Variants in LILRA2 observed in about 807,000 individuals in gnomAD.
LILRA2 encodes leukocyte immunoglobulin-like receptor subfamily A member 2.
In LILRA2, 45 loss-of-function variants were observed where a neutral mutation model predicts 47.9. The observed-to-expected ratio is 0.94, with a 90% CI of 0.74 to 1.20. The LOEUF (loss-of-function observed/expected upper bound fraction) is 1.20, where lower values mean the gene tolerates loss of function less well. Ranked by LOEUF, LILRA2 falls within the 50% of genes most tolerant of loss-of-function variation. The probability of loss-of-function intolerance (pLI) is 0.00; values close to 1 mark genes in which losing one functional copy is unlikely to be tolerated. For missense variants in LILRA2, 651 were observed against 598.2 expected (o/e 1.09, Z -0.92); for synonymous variants, 279 against 249.2 (o/e 1.12, Z -1.13).
rs2062890383 is a variant in LILRA2, at chr19:54,589,499, T to C, written c.*2153T>C. 1 of 151,204 alleles carries C rather than the reference T, an allele frequency of 6.6e-6. No individual in the cohort carries two copies. 9.4% of individuals were successfully genotyped at this position (151,204 alleles called of 1,614,324 possible). On this transcript the variant is annotated 3_prime_UTR_variant, in exon 8 of 8. Transcript: ENST00000391738. ...GCCTGGGCAACAGAGTGAGACTCTG[T>C]CTCAAAAAAAGAGAAATACATTTAA...
chr19:54,588,870 T>A lies in LILRA2; in HGVS notation c.*1524T>A, dbSNP rs756165919. On this transcript the variant is annotated 3_prime_UTR_variant, in exon 8 of 8. Coordinates refer to ENST00000391738, the MANE Select transcript of LILRA2 (RefSeq NM_001130917.3). ...AGTAGAGACGGGGGTCTCGCCATGT[T>A]AGTGAGGCTGGTCTTGAACTCCTGA... The A allele has an allele frequency of 6.6e-6, 1 of 152,058 alleles. No individual in the cohort carries two copies. The highest frequency in any genetic ancestry group is 2.1e-4 in the South Asian group (1 of 4,808). The allele number at this position is 152,058 out of a possible 1,614,324, so 9.4% of individuals were successfully genotyped here.
chr19:54,574,036 G>T (rs371902158), intron 1 of LILRA2, 40 bp from the exon 2 acceptor site: 32 of 1,614,046 alleles, frequency 2.0e-5, no homozygotes, highest in Non-Finnish European at 2.6e-5. Context: ...ACCTGCCCAG[G>T]CTTCAGGGGA....
chr19:54,573,851 G>T lies in LILRA2; in HGVS notation c.-28G>T. On this transcript the variant is annotated 5_prime_UTR_variant, in exon 1 of 8. Transcript: ENST00000391738. The stretch of plus-strand genomic sequence containing the variant: ...GCCAGCACTGAGGGCTCATCCATCC[G>T]CAGAGCAGGGCAGTGGGAGGAGACG... 1.2e-6 allele frequency: 1 copy of T among 831,646 alleles called. No homozygotes were observed. The highest frequency in any genetic ancestry group is 1.6e-6 in the Non-Finnish European group (1 of 615,072). 51.5% of individuals were successfully genotyped at this position (831,646 alleles called of 1,614,324 possible). A position where few individuals can be genotyped will look rare whatever the true frequency, so the allele number is the denominator to read the frequency against.
At chr19:54,574,137 G>T in intron 2 of LILRA2, 26 bp downstream of exon 2, 1 of 1,614,286 alleles carries the variant, frequency 6.2e-7, no homozygotes, top group South Asian at 1.1e-5. Context: ...GCTGTCCCAG[G>T]TCCCTCCTCC....
intron 6 of LILRA2, among the ~76,000 whole-genome samples, chr19:54,580,192 CTTTTCT>C (rs1483101903): frequency 4.5e-5 from 5 of 112,022 alleles, no homozygotes; most frequent in South Asian, 2.9e-4. Context: ...TGCCGGTTTT[CTTTTCT>C]TTTTTTTTTT....
At position 54,574,986 on chromosome 19, in the gene LILRA2, C is replaced by G. The variant is rs1200022826; in HGVS notation, c.608C>G (p.Pro203Arg). 6.2e-7 allele frequency: 1 copy of G among 1,614,250 alleles called. No individual in the cohort carries two copies. Among genetic ancestry groups the G allele is most frequent in the East Asian group, 2.2e-5 (1 of 44,884 alleles). ...YRCYAYDSNS[P>R]YVWSLPSDLL... ...TGCTATGCTTATGACTCGAACTCTC[C>G]CTATGTGTGGTCTCTACCCAGTGAT... is the stretch of plus-strand genomic sequence containing the variant. Residue 203 changes from proline to arginine, a missense_variant, in exon 4 of 8, where the codon CCC (proline) becomes CGC (arginine). Pro to Arg is a moderately radical substitution (Grantham distance 103). Coordinates refer to ENST00000391738, the MANE Select transcript of LILRA2 (RefSeq NM_001130917.3).
In LILRA2 at chr19:54,589,305, T is replaced by C. The variant is rs1382212744; in HGVS notation, c.*1959T>C. 1 of 151,082 alleles carries C rather than the reference T, an allele frequency of 6.6e-6. No homozygotes were observed. The highest frequency in any genetic ancestry group is 6.6e-5 in the Admixed American group (1 of 15,210). 9.4% of individuals were successfully genotyped at this position (151,082 alleles called of 1,614,324 possible). A position where few individuals can be genotyped will look rare whatever the true frequency, so the allele number is the denominator to read the frequency against. On this transcript the variant is annotated 3_prime_UTR_variant, in exon 8 of 8. Coordinates refer to ENST00000391738, the MANE Select transcript of LILRA2 (RefSeq NM_001130917.3). ...GGGGGAACAAGTCAATTTATGACAG[T>C]GTCTACAAGAAAAGTATGCATAGAA...
In LILRA2 at chr19:54,587,331, T is replaced by A. The variant is rs2062844830; in HGVS notation, c.1437T>A (p.Asp479Glu). ...AGCACAGCCAGAGAAGCCTACAAGATGCAGCCGGGAGGTGAACAGCAGAGA... is the reference window on the plus strand; with the variant it reads ...AGCACAGCCAGAGAAGCCTACAAGAAGCAGCCGGGAGGTGAACAGCAGAGA... The part of the protein sequence containing the change: ...EAQHSQRSLQ[D>E]AAGR The change falls in exon 8 of 8, where the codon GAT becomes GAA. Residue 479 changes from aspartate (D) to glutamate (E), a missense_variant. Transcript: ENST00000391738. The A allele has an allele frequency of 1.2e-6, 2 of 1,614,016 alleles. No homozygotes were observed. The highest frequency in any genetic ancestry group is 2.7e-5 in the African/African-American group (2 of 74,872).
At chr19:54,581,844 GCCC>G (rs2062645618) in intron 6 of LILRA2, among the ~76,000 whole-genome samples, 1 of 149,122 alleles carries the variant, frequency 6.7e-6, no homozygotes, top group African/African-American at 2.6e-5. Context: ...CCAAAAAAGA[GCCC>G]GCATTGTGCC....
At chr19:54,578,076 A>G (rs1347061005) in intron 6 of LILRA2, among the ~76,000 whole-genome samples, 1 of 151,706 alleles carries the variant, frequency 6.6e-6, no homozygotes, top group Non-Finnish European at 1.5e-5. Context: ...TTAAAGAATT[A>G]TTCAACATCT....
At chr19:54,586,746 G>A (rs1249294142) in intron 6 of LILRA2, among the ~76,000 whole-genome samples, 1 of 152,112 alleles carries the variant, frequency 6.6e-6, no homozygotes, top group African/African-American at 2.4e-5. Context: ...TTTCTGTATT[G>A]GGGACCACTT....
upstream of LILRA2, chr19:54,573,693 C>A: frequency 8.2e-7 from 1 of 1,217,456 alleles, no homozygotes; most frequent in Non-Finnish European, 1.1e-6. Flanking sequence ...CTGCCCCCAC[C>A]TCAGCCCTAA....
rs143337690 is a variant in LILRA2, at chr19:54,575,515, G to C, written c.915G>C (p.Trp305Cys). 153 of 1,612,384 alleles carry C rather than the reference G, an allele frequency of 9.5e-5. No individual in the cohort carries two copies. The highest frequency in any genetic ancestry group is 2.3e-4 in the Admixed American group (14 of 59,978). Residue 305 changes from tryptophan (W) to cysteine (C), a missense_variant, in exon 5 of 8, where the codon TGG becomes TGC. Trp to Cys is a radical substitution (Grantham distance 215). Coordinates refer to ENST00000391738, the MANE Select transcript of LILRA2 (RefSeq NM_001130917.3). ...GTGCACACAACCTCTCCTCCGAGTG[G>C]TCGGCCCCCAGTGACCCCCTGGACA... ...CYSAHNLSSE[W>C]SAPSDPLDIL... is the part of the protein sequence containing the mutation.
At position 54,575,828 on chromosome 19, in the gene LILRA2, C is replaced by G; in HGVS notation, c.974C>G (p.Ser325Cys). ...LITGQFYDRP[S>C]LSVQPVPTVA... is the part of the protein sequence containing the mutation. ...CTAGGACAGTTCTATGACAGACCCT[C>G]TCTCTCGGTGCAGCCGGTCCCCACA... Residue 325 changes from serine to cysteine, a missense_variant, in exon 6 of 8, where the codon TCT becomes TGT. Coordinates refer to ENST00000391738, the MANE Select transcript of LILRA2 (RefSeq NM_001130917.3). 6.2e-7 allele frequency: 1 copy of G among 1,604,274 alleles called. No homozygotes were observed. The highest frequency in any genetic ancestry group is 8.5e-7 in the Non-Finnish European group (1 of 1,174,772).
Position 54,589,474 on chromosome 19 carries a change from G to C in LILRA2, c.*2128G>C, listed in dbSNP as rs2062889708. 1 of 152,156 alleles carries C rather than the reference G, an allele frequency of 6.6e-6. No individual in the cohort carries two copies. The highest frequency in any genetic ancestry group is 2.1e-4 in the South Asian group (1 of 4,820). The allele number at this position is 152,156 out of a possible 1,614,324, so 9.4% of individuals were successfully genotyped here. A position where few individuals can be genotyped will look rare whatever the true frequency, so the allele number is the denominator to read the frequency against. ...GCTGAGATCTTGCCATTGCACTCCA[G>C]CCTGGGCAACAGAGTGAGACTCTGT... is the stretch of plus-strand genomic sequence containing the variant. On this transcript the variant is annotated 3_prime_UTR_variant, in exon 8 of 8. Coordinates refer to ENST00000391738, the MANE Select transcript of LILRA2 (RefSeq NM_001130917.3).
At chr19:54,578,313 G>A (rs923936510) in intron 6 of LILRA2, among the ~76,000 whole-genome samples, 1 of 151,596 alleles carries the variant, frequency 6.6e-6, no homozygotes, top group African/African-American at 2.4e-5. Flanking sequence ...GGTGTGTGAT[G>A]TTCCCCGCCC....
Position 54,575,272 on chromosome 19 carries a change from A to G in LILRA2, c.672A>G (p.Pro224=). Residue 224 remains proline, a synonymous_variant, in exon 5 of 8, where the codon CCA becomes CCG. Transcript: ENST00000391738. ...ELLVPGVSKK[P]SLSVQPGPMV... ...TTTTCCCAGGTGTTTCTAAGAAGCC[A>G]TCACTCTCAGTGCAGCCAGGTCCTA... is the stretch of plus-strand genomic sequence containing the variant. The G allele has an allele frequency of 6.2e-7, 1 of 1,610,986 alleles. No individual in the cohort carries two copies. Among genetic ancestry groups the G allele is most frequent in the Non-Finnish European group, 8.5e-7 (1 of 1,177,846 alleles).
At position 54,573,815 on chromosome 19, in the gene LILRA2, C is replaced by A. The variant is rs2062232122; in HGVS notation, c.-64C>A. The A allele has an allele frequency of 4.0e-5, 62 of 1,539,328 alleles. 1 individual carries two copies. The South Asian group carries it at 6.7e-4, about 17-fold the overall frequency. ...CTCCGAGTGTCCACACCCTGTGCGTCTCTCTGTCCTGCCAGCACTGAGGGC... is the reference window on the plus strand; with the variant it reads ...CTCCGAGTGTCCACACCCTGTGCGTATCTCTGTCCTGCCAGCACTGAGGGC... On this transcript the variant is annotated 5_prime_UTR_variant, in exon 1 of 8. Transcript: ENST00000391738.
At chr19:54,584,382 C>A (rs2056111007) in intron 6 of LILRA2, among the ~76,000 whole-genome samples, 1 of 152,186 alleles carries the variant, frequency 6.6e-6, no homozygotes, top group Non-Finnish European at 1.5e-5. Context: ...AACTTGGTTC[C>A]ATTCTCCTCG....
Sources: gnomAD v4.1 joint callset for allele counts (sites outside exome capture counted in the v4.1 genomes callset) on GRCh38, gnomAD v4.1.1 for gene constraint, MANE v1.5 for transcripts, NCBI Gene and HGNC (gene_info 2026-07-23, HGNC 2026-07-21) for gene names.